FNDC1: variants seen among roughly 807,000 people sequenced by gnomAD.
FNDC1 encodes fibronectin type III domain containing 1.
In FNDC1, 96 loss-of-function variants were observed where a neutral mutation model predicts 168.0. The observed-to-expected ratio is 0.57, with a 90% CI of 0.48 to 0.68. The LOEUF (loss-of-function observed/expected upper bound fraction) is 0.68. FNDC1 is among the 30% of genes least tolerant of loss of function. The pLI, the probability that FNDC1 is intolerant of heterozygous loss-of-function variation, is 0.00. For missense variants in FNDC1, 2,587 were observed against 2,482.1 expected (o/e 1.04, Z -0.90); for synonymous variants, 1,099 against 1,025.9 (o/e 1.07, Z -1.36).
intron 4 of FNDC1, among the ~76,000 whole-genome samples, chr6:159,210,881 T>A (rs867913129): frequency 4.6e-5 from 7 of 152,148 alleles, no homozygotes; most frequent in Middle Eastern, 3.2e-3. Flanking sequence ...TCTTTCTTCT[T>A]CCTCTCAGGC....
intron 1 of FNDC1, among the ~76,000 whole-genome samples, chr6:159,173,981 T>C (rs1781712576): frequency 6.6e-6 from 1 of 152,242 alleles, no homozygotes; most frequent in Admixed American, 6.5e-5. Flanking sequence ...TCCATCACCC[T>C]TGGCTGATTA....
Position 159,232,091 on chromosome 6 carries a change from G to A in FNDC1, c.1579G>A (p.Ala527Thr), listed in dbSNP as rs747120622. ...GGCGCCCCGAAAACCCCAGCTTCGCGCCAAGAAGGCAGAGGAGCTGGATCT... is the reference window on the plus strand; with the variant it reads ...GGCGCCCCGAAAACCCCAGCTTCGCACCAAGAAGGCAGAGGAGCTGGATCT... The part of the protein sequence containing the change: ...GGAPRKPQLR[A>T]KKAEELDLQS... Residue 527 changes from alanine (A) to threonine (T), a missense_variant, in exon 11 of 23, where the codon GCC (alanine) becomes ACC (threonine). Ala to Thr is a moderately conservative substitution (Grantham distance 58, BLOSUM62 0). Transcript: ENST00000297267. The surrounding 1 kb of genome is among the most constrained non-coding windows in gnomAD (Gnocchi z 4.9). 4 of 1,613,686 alleles carry A rather than the reference G, an allele frequency of 2.5e-6. No individual in the cohort carries two copies. Among genetic ancestry groups the A allele is most frequent in the South Asian group, 1.1e-5 (1 of 91,020 alleles).
At chr6:159,185,226 C>G (rs903924074) in intron 1 of FNDC1, among the ~76,000 whole-genome samples, 1 of 152,188 alleles carries the variant, frequency 6.6e-6, no homozygotes, top group Admixed American at 6.5e-5. Flanking sequence ...GCATCACTCT[C>G]TGGGCAGATG....
chr6:159,267,840 G>A lies in FNDC1; in HGVS notation c.5483G>A (p.Gly1828Asp). The A allele has an allele frequency of 6.2e-7, 1 of 1,613,736 alleles. No individual in the cohort carries two copies. The change falls in exon 22 of 23, where the codon GGT (glycine) becomes GAT (aspartate). Residue 1828 changes from glycine (G) to aspartate (D), a missense_variant. Physicochemically the swap from Gly to Asp is moderately conservative, Grantham distance 94. Transcript: ENST00000297267. ...FYSIGDSWGRGEDHCQFVDSH... is the reference protein window; with the variant it reads ...FYSIGDSWGRDEDHCQFVDSH... ...AGCATTGGAGACAGCTGGGGAAGAG[G>A]TGAAGACCATTGCCAATTTGTGGAT...
chr6:159,194,321 T>C (rs984904877), intron 1 of FNDC1, among the ~76,000 whole-genome samples: 3 of 152,216 alleles, frequency 2.0e-5, no homozygotes, highest in Non-Finnish European at 4.4e-5. Flanking sequence ...CCTGTTGAAT[T>C]GATGTTTGGG....
rs372256560 is a variant in FNDC1, at chr6:159,188,192, T to G, written c.110-9239T>G. Among the ~76,000 whole-genome samples the G allele has an allele frequency of 4.2e-4, 64 of 152,238 alleles. 3 individuals are homozygous for G. In the South Asian group the frequency reaches 0.013, roughly 31 times the overall value. ...ATACTTAAGAAATAACTTCAGCATTTTTGGGGTTTTATTGGACCAGTGTAT... is the reference window on the plus strand; with the variant it reads ...ATACTTAAGAAATAACTTCAGCATTGTTGGGGTTTTATTGGACCAGTGTAT... On this transcript the variant is annotated intron_variant, in intron 1 of 22. Coordinates refer to ENST00000297267, the MANE Select transcript of FNDC1 (RefSeq NM_032532.3).
At chr6:159,237,304 G>A (rs567297803) in intron 12 of FNDC1, among the ~76,000 whole-genome samples, 51 of 152,144 alleles carry the variant, frequency 3.4e-4, no homozygotes, top group Non-Finnish European at 6.9e-4. Context: ...CTAAAGCAGT[G>A]GTTCTCAAAC....
At chr6:159,210,282 C>A (rs557334503) in intron 4 of FNDC1, among the ~76,000 whole-genome samples, 1 of 152,184 alleles carries the variant, frequency 6.6e-6, no homozygotes, top group South Asian at 2.1e-4. Flanking sequence ...AGAGCTGCTA[C>A]GGAGAGAGCT....
chr6:159,199,448 A>T (rs1782326095), intron 2 of FNDC1, among the ~76,000 whole-genome samples: 1 of 152,274 alleles, frequency 6.6e-6, no homozygotes, highest in African/African-American at 2.4e-5. Flanking sequence ...CAAAAACAAC[A>T]TGCAGACATA....
chr6:159,251,552 C>A lies in FNDC1; in HGVS notation c.5065+20C>A. The A allele has an allele frequency of 6.3e-7, 1 of 1,598,506 alleles. No homozygotes were observed. The highest frequency in any genetic ancestry group is 1.1e-5 in the South Asian group (1 of 89,546). The stretch of plus-strand genomic sequence containing the variant: ...TCACAGGTGTGTCCTAAGCAGAAAT[C>A]AGAGTTCCCATGATCTGTAGGTGGG... On this transcript the variant is annotated intron_variant, in intron 17 of 22. Transcript: ENST00000297267.
chr6:159,178,098 G>A (rs984325486), intron 1 of FNDC1, among the ~76,000 whole-genome samples: 2 of 152,142 alleles, frequency 1.3e-5, no homozygotes, highest in African/African-American at 4.8e-5. Context: ...ACGAATGCCT[G>A]ATAACAAGAG....
At chr6:159,182,634 T>C (rs988994143) in intron 1 of FNDC1, among the ~76,000 whole-genome samples, 5 of 152,254 alleles carry the variant, frequency 3.3e-5, no homozygotes, top group Admixed American at 2.6e-4. Context: ...CTTCAGTAGA[T>C]TGAAGCCCAT....
At chr6:159,259,072 C>T (rs1177124014) in intron 18 of FNDC1, among the ~76,000 whole-genome samples, 1 of 152,198 alleles carries the variant, frequency 6.6e-6, no homozygotes, top group Non-Finnish European at 1.5e-5. Context: ...ACTTAAAACA[C>T]ACAGACTTGT....
intron 1 of FNDC1, among the ~76,000 whole-genome samples, chr6:159,194,991 T>G (rs1030388569): frequency 2.0e-5 from 3 of 152,048 alleles, no homozygotes; most frequent in South Asian, 2.1e-4. Flanking sequence ...AAATATCTCA[T>G]CAGGTCAAGC....
intron 17 of FNDC1, among the ~76,000 whole-genome samples, chr6:159,255,602 A>ATCAATAC (rs1241643332): frequency 1.3e-5 from 2 of 152,224 alleles, no homozygotes; most frequent in Admixed American, 1.3e-4. Flanking sequence ...TGTTTAATGA[A>ATCAATAC]TCAATACTTG....
chr6:159,241,992 A>G (rs1274769147), intron 14 of FNDC1, among the ~76,000 whole-genome samples: 4 of 152,006 alleles, frequency 2.6e-5, no homozygotes, highest in Non-Finnish European at 5.9e-5. Flanking sequence ...TTTTTTTGTG[A>G]TAAGAAATTA....
At chr6:159,200,227 CAG>C in intron 3 of FNDC1, 145 bp downstream of exon 3, 1 of 679,762 alleles carries the variant, frequency 1.5e-6, no homozygotes, top group Non-Finnish European at 2.5e-6. Context: ...AGCAAGCTGA[CAG>C]ATTGAAAAGT....
intron 2 of FNDC1, among the ~76,000 whole-genome samples, chr6:159,198,890 G>T (rs1471474964): frequency 6.6e-6 from 1 of 152,218 alleles, no homozygotes; most frequent in African/African-American, 2.4e-5. Context: ...AGCCTGGCAG[G>T]TCGTGCCAAA....
intron 18 of FNDC1, among the ~76,000 whole-genome samples, chr6:159,257,985 T>C (rs1329219918): frequency 1.3e-5 from 2 of 148,668 alleles, no homozygotes; most frequent in African/African-American, 5.0e-5. Flanking sequence ...CCAAGAGGCC[T>C]TCCAGAGGCC....
Sources: allele counts gnomAD v4.1 joint callset (sites outside exome capture counted in the v4.1 genomes callset), GRCh38; gene constraint gnomAD v4.1.1; non-coding constraint Gnocchi (gnomAD v3.1); transcripts MANE v1.5; gene names NCBI Gene and HGNC (gene_info 2026-07-23, HGNC 2026-07-21).